CLSTN2: variants seen among roughly 807,000 people sequenced by gnomAD.
CLSTN2 encodes the protein calsyntenin 2.
Under a neutral mutation model 101.2 loss-of-function variants are expected in CLSTN2, and 48 were observed. That is an observed-to-expected ratio of 0.47 (90% CI 0.38 to 0.60). The LOEUF is 0.60. CLSTN2 is among the 20% of genes least tolerant of loss of function. The probability of loss-of-function intolerance (pLI) is 0.00; values close to 1 mark genes in which losing one functional copy is unlikely to be tolerated. For missense variants in CLSTN2, 1,160 were observed against 1,238.2 expected, an observed-to-expected ratio of 0.94 and a Z score of 0.95; for synonymous variants, 481 against 463.6, an observed-to-expected ratio of 1.04 and a Z score of -0.48.
intron 9 of CLSTN2, among the ~76,000 whole-genome samples, chr3:140,536,992 AAT>A (rs1299118580): frequency 1.3e-5 from 2 of 152,226 alleles, no homozygotes; most frequent in Non-Finnish European, 2.9e-5. Flanking sequence ...AAGATCTTTC[AAT>A]AAGACCTGAT....
chr3:140,509,549 G>T (rs1273418712), intron 8 of CLSTN2, among the ~76,000 whole-genome samples: 4 of 152,174 alleles, frequency 2.6e-5, no homozygotes, highest in Non-Finnish European at 5.9e-5. Flanking sequence ...TTTACTCTGG[G>T]CCCCTTTGTT....
Position 140,414,842 on chromosome 3 carries a change from A to G in CLSTN2, c.638-6283A>G, listed in dbSNP as rs115079203. Among the ~76,000 whole-genome samples the G allele has an allele frequency of 6.2e-3, 949 of 152,220 alleles. 6 individuals are homozygous for G. Among genetic ancestry groups the G allele is most frequent in the African/African-American group, 0.022 (897 of 41,588 alleles). On this transcript the variant is annotated intron_variant, in intron 4 of 16. Coordinates refer to ENST00000458420, the MANE Select transcript of CLSTN2 (RefSeq NM_022131.3). ...GAAGATACAATCCTAAAATTCATAT[A>G]GAAGCACAAAAGACCTCAAATAGCT...
At chr3:140,564,181 G>A (rs982672396) in intron 16 of CLSTN2, 36 bp downstream of exon 16, 1 of 1,601,034 alleles carries the variant, frequency 6.2e-7, no homozygotes, top group East Asian at 2.2e-5. Context: ...TCTGGGTGGG[G>A]TGCTTCTCCC....
At chr3:139,961,417 A>C (rs1935509139) in intron 1 of CLSTN2, among the ~76,000 whole-genome samples, 1 of 152,220 alleles carries the variant, frequency 6.6e-6, no homozygotes, top group South Asian at 2.1e-4. Context: ...GGAGGCATTA[A>C]GTGAAGAAAA....
intron 2 of CLSTN2, among the ~76,000 whole-genome samples, chr3:140,314,976 C>CCATGGTTG (rs1481733882): frequency 2.0e-5 from 3 of 152,142 alleles, no homozygotes; most frequent in Non-Finnish European, 4.4e-5. Context: ...TTGAGGGATC[C>CCATGGTTG]CATGGTTGCA....
chr3:140,305,081 TTC>T (rs1022977111), intron 2 of CLSTN2, among the ~76,000 whole-genome samples: 3 of 143,620 alleles, frequency 2.1e-5, no homozygotes, highest in Admixed American at 6.9e-5. Context: ...CTGTCTCTCT[TTC>T]TCTCTCTCTC....
At chr3:140,303,396 A>T (rs572401087) in intron 2 of CLSTN2, among the ~76,000 whole-genome samples, 2 of 151,954 alleles carry the variant, frequency 1.3e-5, no homozygotes, top group African/African-American at 4.8e-5. Flanking sequence ...GAAAGGTCAG[A>T]CTCTAGTCCC....
intron 1 of CLSTN2, among the ~76,000 whole-genome samples, chr3:140,029,127 G>T (rs1313575998): frequency 6.6e-6 from 1 of 152,150 alleles, no homozygotes; most frequent in African/African-American, 2.4e-5. Flanking sequence ...TTAAAATTGA[G>T]TCTACTTCCT....
chr3:140,564,393 C>T (rs1935990923), intron 16 of CLSTN2, among the ~76,000 whole-genome samples: 1 of 152,192 alleles, frequency 6.6e-6, no homozygotes, highest in Non-Finnish European at 1.5e-5. Context: ...ACAAACAGAA[C>T]CAGAAATTTT....
chr3:139,951,738 G>A (rs1935299495), intron 1 of CLSTN2, among the ~76,000 whole-genome samples: 1 of 152,020 alleles, frequency 6.6e-6, no homozygotes, highest in Non-Finnish European at 1.5e-5. Flanking sequence ...CACCCTTTGG[G>A]AAAGAGGAGC....
intron 4 of CLSTN2, among the ~76,000 whole-genome samples, chr3:140,410,411 C>CA (rs11450317): frequency 0.49 from 58,397 of 118,534 alleles, 14,140 homozygotes; most frequent in South Asian, 0.64. Flanking sequence ...AAATAAAAAG[C>CA]AAAAAAAAAA....
At chr3:140,009,122 A>G (rs1438806898) in intron 1 of CLSTN2, among the ~76,000 whole-genome samples, 1 of 152,228 alleles carries the variant, frequency 6.6e-6, no homozygotes. Context: ...TCTTGGACAA[A>G]TTTTGGCTGT....
chr3:140,484,124 T>C (rs542431622), intron 8 of CLSTN2, among the ~76,000 whole-genome samples: 6 of 152,252 alleles, frequency 3.9e-5, no homozygotes. Flanking sequence ...CCATGTTTAG[T>C]GCTTCCTTCA....
At chr3:140,049,047 G>C (rs891020859) in intron 1 of CLSTN2, among the ~76,000 whole-genome samples, 1 of 152,234 alleles carries the variant, frequency 6.6e-6, no homozygotes, top group Middle Eastern at 3.2e-3. Context: ...CATGCAGGCA[G>C]CACTGGCTGG....
intron 10 of CLSTN2, among the ~76,000 whole-genome samples, chr3:140,554,973 G>T (rs903307388): frequency 4.6e-5 from 7 of 152,200 alleles, no homozygotes; most frequent in Admixed American, 3.9e-4. Context: ...GAGTATAACT[G>T]TCAGGATAAG....
chr3:140,234,530 T>C (rs1235695086), intron 2 of CLSTN2, among the ~76,000 whole-genome samples: 2 of 152,146 alleles, frequency 1.3e-5, no homozygotes, highest in African/African-American at 4.8e-5. Context: ...CATGTCAAGC[T>C]CTTATCACAG....
chr3:140,068,628 A>T (rs1049809906), intron 1 of CLSTN2, among the ~76,000 whole-genome samples: 15 of 152,230 alleles, frequency 9.9e-5, no homozygotes, highest in Non-Finnish European at 2.9e-5. Context: ...GCCTTTTAGA[A>T]TCATCCTGAC....
intron 9 of CLSTN2, among the ~76,000 whole-genome samples, chr3:140,545,897 C>T (rs1252323005): frequency 6.6e-6 from 1 of 152,158 alleles, no homozygotes; most frequent in Non-Finnish European, 1.5e-5. Flanking sequence ...TGAATTTAAG[C>T]ACGGGTGGAA....
At chr3:140,559,848 ACAGCCCTTCTTAGCT>A (rs1935874731) in intron 12 of CLSTN2, among the ~76,000 whole-genome samples, 1 of 152,154 alleles carries the variant, frequency 6.6e-6, no homozygotes, top group Non-Finnish European at 1.5e-5. Flanking sequence ...TACTCAAGAG[ACAGCCCTTCTTAGCT>A]CATAAAAAAT....
Sources: allele counts gnomAD v4.1 joint callset (sites outside exome capture counted in the v4.1 genomes callset), GRCh38; gene constraint gnomAD v4.1.1; transcripts MANE v1.5; gene names NCBI Gene and HGNC (gene_info 2026-07-23, HGNC 2026-07-21).